Variants in PTPN13 observed in about 807,000 individuals in gnomAD.
PTPN13 encodes the protein tyrosine-protein phosphatase non-receptor type 13.
A neutral mutation model predicts 284.0 loss-of-function variants in PTPN13; 191 were observed. The ratio of observed to expected loss-of-function variants is 0.67; its 90% CI spans 0.60 to 0.76. The LOEUF (loss-of-function observed/expected upper bound fraction) is 0.76, where lower values mean the gene tolerates loss of function less well. Among genes scored for constraint, PTPN13 ranks in the 30% least tolerant of loss-of-function variants. PTPN13 has a pLI of 0.00. For missense variants in PTPN13, 2,797 were observed against 2,939.9 expected, an observed-to-expected ratio of 0.95 and a Z score of 1.12; for synonymous variants, 986 against 1,022.3, an observed-to-expected ratio of 0.96 and a Z score of 0.68.
intron 1 of PTPN13, among the ~76,000 whole-genome samples, chr4:86,614,366 C>T (rs1354458233): frequency 1.3e-5 from 2 of 152,018 alleles, no homozygotes; most frequent in African/African-American, 4.8e-5. Flanking sequence ...AAGTTTTTGT[C>T]AACACTATTG....
At chr4:86,773,985 T>C (rs1264440493) in intron 32 of PTPN13, among the ~76,000 whole-genome samples, 1 of 152,176 alleles carries the variant, frequency 6.6e-6, no homozygotes, top group Non-Finnish European at 1.5e-5. Context: ...TATGGCTCTT[T>C]GCATTTGTTT....
intron 1 of PTPN13, among the ~76,000 whole-genome samples, chr4:86,627,579 G>A (rs1721983988): frequency 6.6e-6 from 1 of 151,612 alleles, no homozygotes; most frequent in African/African-American, 2.4e-5. Context: ...TATTTAAAGT[G>A]TATAATTTGT....
chr4:86,608,806 C>T (rs2149186345), intron 1 of PTPN13, among the ~76,000 whole-genome samples: 1 of 152,172 alleles, frequency 6.6e-6, no homozygotes, highest in African/African-American at 2.4e-5. Context: ...TAAGGTATGG[C>T]CATTGAGAAT....
At position 86,660,697 on chromosome 4, in the gene PTPN13, A is replaced by G. The variant is rs572220428; in HGVS notation, c.116-11668A>G. On this transcript the variant is annotated intron_variant, in intron 2 of 47. Coordinates refer to ENST00000411767, the MANE Select transcript of PTPN13 (RefSeq NM_080683.3). ...TTGTTCCCTGGAAACAAACTATAAA[A>G]TACAAAATTAAATTTAATATATAAC... Among the ~76,000 whole-genome samples the G allele has an allele frequency of 6.6e-5, 10 of 152,306 alleles. No homozygotes were observed. The South Asian group carries it at 1.4e-3, about 22-fold the overall frequency.
chr4:86,707,318 G>A lies in PTPN13; in HGVS notation c.1195+5517G>A, dbSNP rs139263992. Among the ~76,000 whole-genome samples the A allele has an allele frequency of 8.5e-4, 129 of 152,314 alleles. 2 individuals are homozygous for A. The highest frequency in any genetic ancestry group is 7.0e-3 in the Admixed American group (107 of 15,296). ...GTTTAATGGGCTGTTAATCAACCTA[G>A]TTCACATCAAAATGAAATATTGTTT... On this transcript the variant is annotated intron_variant, in intron 7 of 47. Coordinates refer to ENST00000411767, the MANE Select transcript of PTPN13 (RefSeq NM_080683.3).
At chr4:86,747,219 C>A (rs1736869311) in intron 17 of PTPN13, among the ~76,000 whole-genome samples, 3 of 152,190 alleles carry the variant, frequency 2.0e-5, no homozygotes, top group Admixed American at 1.3e-4. Flanking sequence ...GCTCAGGAGC[C>A]AAATTGCCAG....
intron 30 of PTPN13, 38 bp downstream of exon 30, chr4:86,770,237 T>C (rs1739833232): frequency 1.9e-6 from 3 of 1,538,862 alleles, no homozygotes; most frequent in East Asian, 2.3e-5. Flanking sequence ...TTTTATAGAA[T>C]ATCAACTTAG....
chr4:86,758,461 G>T, intron 21 of PTPN13, 112 bp downstream of exon 21: 1 of 998,610 alleles, frequency 1.0e-6, no homozygotes, highest in South Asian at 1.6e-5. Flanking sequence ...TCAAGATACT[G>T]ACTGGCTGCC....
At chr4:86,792,348 A>G (rs1318045526) in intron 40 of PTPN13, among the ~76,000 whole-genome samples, 1 of 152,224 alleles carries the variant, frequency 6.6e-6, no homozygotes, top group Non-Finnish European at 1.5e-5. Context: ...TCTTAGAAAT[A>G]TGGGACTGTG....
At chr4:86,773,010 G>T in intron 32 of PTPN13, 52 bp downstream of exon 32, 8 of 1,331,308 alleles carry the variant, frequency 6.0e-6, no homozygotes, top group Non-Finnish European at 8.0e-6. Context: ...TTAAAAGAAG[G>T]TGTGTTCATA....
intron 42 of PTPN13, among the ~76,000 whole-genome samples, chr4:86,799,915 G>T (rs1036954555): frequency 1.5e-5 from 2 of 133,858 alleles, no homozygotes; most frequent in Non-Finnish European, 3.0e-5. Context: ...TTGGCTCACT[G>T]CAACCTCCAT....
intron 1 of PTPN13, 84 bp downstream of exon 1, chr4:86,594,873 C>G (rs775307954): frequency 6.6e-6 from 1 of 152,512 alleles, no homozygotes; most frequent in Admixed American, 6.5e-5. Context: ...TCTTCCTCCT[C>G]TCTCTGCTTT....
intron 40 of PTPN13, among the ~76,000 whole-genome samples, chr4:86,793,181 A>T (rs1323180012): frequency 1.3e-5 from 2 of 152,212 alleles, no homozygotes; most frequent in Non-Finnish European, 2.9e-5. Flanking sequence ...AAGCCAATGG[A>T]AAGCAAAAAA....
chr4:86,678,697 T>C (rs1728561526), intron 3 of PTPN13, among the ~76,000 whole-genome samples: 2 of 152,168 alleles, frequency 1.3e-5, no homozygotes, highest in African/African-American at 4.8e-5. Context: ...TTCCCCAATT[T>C]CCAAGGAAAA....
At position 86,764,679 on chromosome 4, in the gene PTPN13, G is replaced by A; in HGVS notation, c.4104G>A (p.Glu1368=). The change falls in exon 25 of 48, where the codon GAG becomes GAA. Residue 1368 remains glutamate, a synonymous_variant. Transcript: ENST00000411767. ...CTCCTAAGCCTGGAGATATCTTTGA[G>A]GTTGAACTGGCTAAAAATGATAACA... is the stretch of plus-strand genomic sequence containing the variant. ...SSPPKPGDIF[E]VELAKNDNSL... The A allele has an allele frequency of 6.2e-7, 1 of 1,607,354 alleles. No individual in the cohort carries two copies. The highest frequency in any genetic ancestry group is 1.1e-5 in the South Asian group (1 of 89,268).
At chr4:86,710,401 G>A (rs191609285) in intron 7 of PTPN13, among the ~76,000 whole-genome samples, 5 of 152,248 alleles carry the variant, frequency 3.3e-5, no homozygotes, top group African/African-American at 1.2e-4. Flanking sequence ...TTGAATATGT[G>A]TCACTTGTAA....
chr4:86,629,964 G>A (rs1374222686), intron 1 of PTPN13, among the ~76,000 whole-genome samples: 5 of 151,954 alleles, frequency 3.3e-5, no homozygotes, highest in Middle Eastern at 3.2e-3. Flanking sequence ...ACGAGGTATC[G>A]CTGTATTGCC....
At chr4:86,711,096 G>GC (rs1732359608) in intron 7 of PTPN13, among the ~76,000 whole-genome samples, 1 of 78,944 alleles carries the variant, frequency 1.3e-5, no homozygotes, top group African/African-American at 4.6e-5. Flanking sequence ...GTTAATTATT[G>GC]CCTTTTTTTT....
chr4:86,802,058 C>A (rs915747229), intron 42 of PTPN13, among the ~76,000 whole-genome samples: 7 of 151,570 alleles, frequency 4.6e-5, no homozygotes, highest in Admixed American at 4.6e-4. Flanking sequence ...TAACACATAC[C>A]AATTTTGTAT....
Sources: gnomAD v4.1 joint callset for allele counts (sites outside exome capture counted in the v4.1 genomes callset) on GRCh38, gnomAD v4.1.1 for gene constraint, MANE v1.5 for transcripts, NCBI Gene and HGNC (gene_info 2026-07-23, HGNC 2026-07-21) for gene names.